SOX5: variants seen among roughly 807,000 people sequenced by gnomAD.
The protein encoded by SOX5 is transcription factor SOX-5.
In SOX5, 9 loss-of-function variants were observed where a neutral mutation model predicts 92.0. The ratio of observed to expected loss-of-function variants is 0.10; its 90% CI spans 0.06 to 0.17. The LOEUF (loss-of-function observed/expected upper bound fraction) is 0.17. Ranked by LOEUF, SOX5 falls within the 10% of genes least tolerant of loss-of-function variation. The pLI is 1.00. For synonymous variants in SOX5, 344 were observed against 336.3 expected (o/e 1.02, Z -0.25); for missense variants, 642 against 944.5 (o/e 0.68, Z 4.20).
intron 6 of SOX5, among the ~76,000 whole-genome samples, chr12:23,717,985 G>A (rs1413714207): frequency 6.6e-6 from 1 of 152,076 alleles, no homozygotes; most frequent in Non-Finnish European, 1.5e-5. Flanking sequence ...TTGCCTAGAT[G>A]ATAGTTATTA....
At chr12:23,905,113 A>G (rs1475056437) in intron 1 of SOX5, among the ~76,000 whole-genome samples, 2 of 152,254 alleles carry the variant, frequency 1.3e-5, no homozygotes, top group African/African-American at 4.8e-5. Flanking sequence ...TGGACACAGA[A>G]TATTTTAAAA....
intron 4 of SOX5, among the ~76,000 whole-genome samples, chr12:24,032,993 T>C (rs1334282259): frequency 6.6e-6 from 1 of 151,946 alleles, no homozygotes; most frequent in Non-Finnish European, 1.5e-5. Flanking sequence ...AAGTTGGATT[T>C]TGAATCTTGA....
At chr12:23,860,967 A>AAC (rs2096750209) in intron 2 of SOX5, among the ~76,000 whole-genome samples, 1 of 149,318 alleles carries the variant, frequency 6.7e-6, no homozygotes. Context: ...AAAAAAAAAA[A>AAC]AAAAAAAAAA....
intron 6 of SOX5, among the ~76,000 whole-genome samples, chr12:23,689,687 C>A (rs2088382733): frequency 6.6e-6 from 1 of 151,916 alleles, no homozygotes. Flanking sequence ...GCTGTTTGAG[C>A]TTTGTCATGA....
chr12:23,911,010 T>TTC (rs2097346049), intron 1 of SOX5, among the ~76,000 whole-genome samples: 1 of 152,122 alleles, frequency 6.6e-6, no homozygotes, highest in East Asian at 1.9e-4. Context: ...AATTGAGTAG[T>TTC]TACTTCCTAT....
chr12:24,253,859 A>T (rs1347629177), intron 3 of SOX5, among the ~76,000 whole-genome samples: 1 of 152,200 alleles, frequency 6.6e-6, no homozygotes, highest in Non-Finnish European at 1.5e-5. Flanking sequence ...GGCTTTATAG[A>T]CAATATGTTC....
intron 1 of SOX5, among the ~76,000 whole-genome samples, chr12:23,899,006 T>C (rs1311618047): frequency 6.6e-6 from 1 of 152,226 alleles, no homozygotes; most frequent in Non-Finnish European, 1.5e-5. Context: ...CTATGACCCA[T>C]AGTACTTCTC....
chr12:24,261,414 C>T (rs1287049446), intron 3 of SOX5, among the ~76,000 whole-genome samples: 1 of 152,148 alleles, frequency 6.6e-6, no homozygotes, highest in Non-Finnish European at 1.5e-5. Context: ...TCGTTAAAAG[C>T]ATTTACACAG....
At chr12:24,274,778 T>C (rs1313356695) in intron 3 of SOX5, among the ~76,000 whole-genome samples, 2 of 152,170 alleles carry the variant, frequency 1.3e-5, no homozygotes, top group Non-Finnish European at 2.9e-5. Flanking sequence ...TCTTCTAATA[T>C]TCTAAGGTAA....
intron 4 of SOX5, among the ~76,000 whole-genome samples, chr12:24,121,747 G>A (rs939531836): frequency 3.3e-5 from 5 of 151,434 alleles, no homozygotes; most frequent in Admixed American, 6.6e-5. Context: ...TCAGCCAGGC[G>A]CGGTGGTAGG....
intron 7 of SOX5, among the ~76,000 whole-genome samples, chr12:23,644,935 T>C (rs1029746047): frequency 6.6e-6 from 1 of 152,204 alleles, no homozygotes; most frequent in African/African-American, 2.4e-5. Context: ...AAAAGCAAAA[T>C]TGTAGAGGCT....
Position 23,903,456 on chromosome 12 carries a change from C to T in SOX5, c.39-7432G>A, listed in dbSNP as rs373307039. Among the ~76,000 whole-genome samples, 6 of 152,088 alleles carry T rather than the reference C, an allele frequency of 3.9e-5. No homozygotes were observed. The South Asian group carries it at 6.2e-4, about 16-fold the overall frequency. On this transcript the variant is annotated intron_variant, in intron 1 of 14. Coordinates refer to ENST00000451604, the MANE Select transcript of SOX5 (RefSeq NM_006940.6). ...AAAATTAGCCGGGTATGATGGCCTCCGCCTGTAGTGCGAGCAACTCAGGAG... is the reference window on the plus strand; with the variant it reads ...AAAATTAGCCGGGTATGATGGCCTCTGCCTGTAGTGCGAGCAACTCAGGAG...
intron 13 of SOX5, among the ~76,000 whole-genome samples, chr12:23,541,768 A>C (rs1292067294): frequency 6.6e-6 from 1 of 152,212 alleles, no homozygotes; most frequent in African/African-American, 2.4e-5. Context: ...TTACAAATGC[A>C]CCTTGTGGAC....
chr12:24,544,761 T>C (rs758450348), intron 1 of SOX5, among the ~76,000 whole-genome samples: 1 of 152,210 alleles, frequency 6.6e-6, no homozygotes, highest in African/African-American at 2.4e-5. Context: ...TAGTAGCACA[T>C]GTCAAACCCA....
chr12:23,649,405 TA>T (rs560236052), intron 7 of SOX5, among the ~76,000 whole-genome samples: 3 of 152,088 alleles, frequency 2.0e-5, no homozygotes, highest in African/African-American at 4.8e-5. Context: ...TCATACTTAG[TA>T]AAAAAATCAG....
At chr12:23,774,577 A>G (rs1470703909) in intron 3 of SOX5, among the ~76,000 whole-genome samples, 3 of 152,222 alleles carry the variant, frequency 2.0e-5, no homozygotes, top group Non-Finnish European at 4.4e-5. Flanking sequence ...AATTGATTCA[A>G]TTATAAAGTT....
At chr12:23,730,721 G>A (rs995709188) in intron 6 of SOX5, among the ~76,000 whole-genome samples, 3 of 152,094 alleles carry the variant, frequency 2.0e-5, no homozygotes, top group Admixed American at 6.6e-5. Flanking sequence ...AATAAAACCC[G>A]TTCACTTGCA....
intron 1 of SOX5, among the ~76,000 whole-genome samples, chr12:24,547,413 G>A (rs1292493116): frequency 6.6e-6 from 1 of 151,070 alleles, no homozygotes; most frequent in African/African-American, 2.4e-5. Flanking sequence ...GGATGGTCTC[G>A]ATCTCCTGAC....
At chr12:23,543,935 C>T (rs1028295807) in intron 12 of SOX5, among the ~76,000 whole-genome samples, 9 of 152,142 alleles carry the variant, frequency 5.9e-5, no homozygotes, top group Non-Finnish European at 1.0e-4. Flanking sequence ...ATATAATTGG[C>T]TTTTCTTTGA....
Sources: gnomAD v4.1 joint callset for allele counts (sites outside exome capture counted in the v4.1 genomes callset) on GRCh38, gnomAD v4.1.1 for gene constraint, MANE v1.5 for transcripts, NCBI Gene and HGNC (gene_info 2026-07-23, HGNC 2026-07-21) for gene names.